The following HMCN2 variants were observed in gnomAD, a reference collection of about 807,000 sequenced individuals.
The protein encoded by HMCN2 is hemicentin 2, also known as hemicentin-2.
A neutral mutation model predicts 377.5 loss-of-function variants in HMCN2; 325 were observed. The ratio of observed to expected loss-of-function variants is 0.86; its 90% confidence interval spans 0.79 to 0.94. The LOEUF is 0.94. Ranked by LOEUF, HMCN2 falls within the 40% of genes least tolerant of loss-of-function variation. HMCN2 has a pLI of 0.00. For missense variants in HMCN2, 4,543 were observed against 4,725.3 expected (o/e 0.96, Z 1.13); for synonymous variants, 2,007 against 2,046.8 (o/e 0.98, Z 0.53).
At chr9:130,311,065 T>C (rs1837218391) in intron 15 of HMCN2, among the ~76,000 whole-genome samples, 1 of 152,202 alleles carries the variant, frequency 6.6e-6, no homozygotes, top group Non-Finnish European at 1.5e-5. Context: ...CTCCATCCCA[T>C]ATTGGAGTTC....
At chr9:130,314,546 C>T (rs899143485) in intron 15 of HMCN2, among the ~76,000 whole-genome samples, 3 of 152,322 alleles carry the variant, frequency 2.0e-5, no homozygotes, top group Admixed American at 6.5e-5. Flanking sequence ...TAGGCCCAAT[C>T]GCAGCATTCC....
In HMCN2 at chr9:130,427,306, T is replaced by C. The variant is rs1307407042; in HGVS notation, c.13880-7T>C. 6.4e-7 allele frequency: 1 copy of C among 1,550,466 alleles called. No individual in the cohort carries two copies. Among genetic ancestry groups the C allele is most frequent in the Admixed American group, 2.0e-5 (1 of 51,008 alleles). On this transcript the variant is annotated splice_region_variant and splice_polypyrimidine_tract_variant and intron_variant, in intron 90 of 97. Transcript: ENST00000683500. ...TGTCCTTAGAGTCTATCCTCTTTGC[T>C]TTGCAGAGGAGAACGAGGTCGGCTG...
chr9:130,298,385 A>G (rs1836287407), intron 7 of HMCN2, among the ~76,000 whole-genome samples: 1 of 152,192 alleles, frequency 6.6e-6, no homozygotes, highest in African/African-American at 2.4e-5. Context: ...TTAGCCAGGT[A>G]TAGTGGTGCA....
chr9:130,393,867 G>A lies in HMCN2; in HGVS notation c.10360G>A (p.Glu3454Lys). The change falls in exon 68 of 98, where the codon GAA (glutamate) becomes AAA (lysine). Residue 3454 changes from glutamate to lysine, a missense_variant. By Grantham distance (56) the Glu-to-Lys change is moderately conservative. This residue lies in a region of HMCN2 where 1,073 missense variants were observed against 1,319.5 expected (regional missense o/e 0.81). Transcript: ENST00000683500. The surrounding 1 kb of genome is among the most constrained non-coding windows in gnomAD (Gnocchi z 5.2). ...TCTCGTGTCGTGGATGAAGGATGGGGAACCCTTGTTGTCCCAGAGCCTCGA... is the reference window on the plus strand; with the variant it reads ...TCTCGTGTCGTGGATGAAGGATGGGAAACCCTTGTTGTCCCAGAGCCTCGA... The part of the protein sequence containing the change: ...LPLVSWMKDG[E>K]PLLSQSLEQG... 7.8e-7 allele frequency: 1 copy of A among 1,289,694 alleles called. No homozygotes were observed. The highest frequency in any genetic ancestry group is 1.2e-5 in the South Asian group (1 of 81,018). The allele number at this position is 1,289,694 out of a possible 1,614,324, so 79.9% of individuals were successfully genotyped here.
rs1044219489 is a variant in HMCN2 at position 130,395,854 on chromosome 9, A to C, written c.10912-70A>C. On this transcript the variant is annotated intron_variant, in intron 71 of 97. Transcript: ENST00000683500. ...CTTCACCAGTTCCTCAGTCTTCCACATCTGCTGCCGGGTGGCCTGACGCAG... is the reference window on the plus strand; with the variant it reads ...CTTCACCAGTTCCTCAGTCTTCCACCTCTGCTGCCGGGTGGCCTGACGCAG... 15 of 1,231,376 alleles carry C rather than the reference A, an allele frequency of 1.2e-5. No homozygotes were observed. The Admixed American group carries it at 3.6e-4, about 30-fold the overall frequency. The allele number at this position is 1,231,376 out of a possible 1,614,324, so 76.3% of individuals were successfully genotyped here.
In HMCN2 at chr9:130,304,110, C is replaced by T. The variant is rs964356918; in HGVS notation, c.1543+502C>T. The stretch of plus-strand genomic sequence containing the variant: ...TCTACATAGACAGCCAGAAACTACA[C>T]ATGCTCTTTGTAGGAAAGCTGGAAA... On this transcript the variant is annotated intron_variant, in intron 10 of 97. Transcript: ENST00000683500. This position sits in a 1 kb window ranked among gnomAD's most constrained non-coding sequence, Gnocchi z 4.3. Among the ~76,000 whole-genome samples the T allele has an allele frequency of 5.3e-5, 8 of 152,256 alleles. No individual in the cohort carries two copies. Among genetic ancestry groups the T allele is most frequent in the Non-Finnish European group, 8.8e-5 (6 of 68,046 alleles).
Position 130,424,885 on chromosome 9 carries a change from G to A in HMCN2, c.13491G>A (p.Arg4497=). The A allele has an allele frequency of 6.8e-7, 1 of 1,460,490 alleles. No homozygotes were observed. 90.5% of individuals were successfully genotyped at this position (1,460,490 alleles called of 1,614,324 possible). A position where few individuals can be genotyped will look rare whatever the true frequency, so the allele number is the denominator to read the frequency against. ...ACTCTCTGACTGGGGGCAGGTTCCG[G>A]CAGGAGTCACACGTGGAGTTTGCTA... ...NGHSLTGGRF[R]QESHVEFATG... Residue 4497 remains arginine (R), a synonymous_variant, in exon 88 of 98, where the codon CGG becomes CGA. Transcript: ENST00000683500.
intron 1 of HMCN2, among the ~76,000 whole-genome samples, chr9:130,272,309 T>C (rs1480132088): frequency 6.7e-6 from 1 of 148,910 alleles, no homozygotes; most frequent in East Asian, 1.9e-4. Context: ...GGCGCAATCT[T>C]GGCCCACTGC....
Position 130,287,336 on chromosome 9 carries a change from G to A in HMCN2, c.612+1026G>A, listed in dbSNP as rs530340283. Among the ~76,000 whole-genome samples the A allele has an allele frequency of 3.9e-5, 6 of 152,094 alleles. No homozygotes were observed. In the East Asian group the frequency reaches 7.8e-4, roughly 20 times the overall value. ...TGTCCTACGCTCCTCCCCGCCCGGGGCCTTTGCTGGTGCGGCCCATTCTTC... is the reference window on the plus strand; with the variant it reads ...TGTCCTACGCTCCTCCCCGCCCGGGACCTTTGCTGGTGCGGCCCATTCTTC... On this transcript the variant is annotated intron_variant, in intron 4 of 97. Transcript: ENST00000683500.
chr9:130,408,946 C>G lies in HMCN2; in HGVS notation c.12879+13C>G. Reference sequence around the variant, plus strand: ...CCGCAGGACTGAGGCAAGGCGGGGCCTGGCACCTTGGGTGGGGCCACTGAG... The same window carrying G: ...CCGCAGGACTGAGGCAAGGCGGGGCGTGGCACCTTGGGTGGGGCCACTGAG... On this transcript the variant is annotated intron_variant, in intron 84 of 97. Coordinates refer to ENST00000683500, the MANE Select transcript of HMCN2 (RefSeq NM_001291815.2). 7.8e-7 allele frequency: 1 copy of G among 1,285,590 alleles called. No individual in the cohort carries two copies. The highest frequency in any genetic ancestry group is 1.0e-6 in the Non-Finnish European group (1 of 986,574). 79.6% of individuals were successfully genotyped at this position (1,285,590 alleles called of 1,614,324 possible). A position where few individuals can be genotyped will look rare whatever the true frequency, so the allele number is the denominator to read the frequency against.
chr9:130,383,424 A>G, intron 56 of HMCN2, 80 bp from the exon 57 acceptor site: 1 of 596,630 alleles, frequency 1.7e-6, no homozygotes, highest in Non-Finnish European at 2.1e-6. Context: ...GATGGGAGGG[A>G]TTCCTCGCAG....
At chr9:130,405,498 G>T (rs1843048981) in intron 81 of HMCN2, among the ~76,000 whole-genome samples, 1 of 152,098 alleles carries the variant, frequency 6.6e-6, no homozygotes, top group African/African-American at 2.4e-5. Flanking sequence ...TCTCCAGATG[G>T]GTTCAGTGGA....
In HMCN2 at chr9:130,369,945, C is replaced by T; in HGVS notation, c.7069+94C>T. On this transcript the variant is annotated intron_variant, in intron 45 of 97. Transcript: ENST00000683500. The surrounding 1 kb of genome is among the most constrained non-coding windows in gnomAD (Gnocchi z 4.5). ...CCAGGCACGGCCCTCAGGCTGTGATCCTGGGGTCACACCTGTTCTTTCTGG... is the reference window on the plus strand; with the variant it reads ...CCAGGCACGGCCCTCAGGCTGTGATTCTGGGGTCACACCTGTTCTTTCTGG... The T allele has an allele frequency of 4.1e-6, 3 of 737,732 alleles. No individual in the cohort carries two copies. The highest frequency in any genetic ancestry group is 5.0e-6 in the Non-Finnish European group (3 of 603,500). 45.7% of individuals were successfully genotyped at this position (737,732 alleles called of 1,614,324 possible).
intron 75 of HMCN2, 35 bp from the exon 76 acceptor site, chr9:130,399,476 C>T: frequency 8.0e-7 from 1 of 1,252,822 alleles, no homozygotes; most frequent in Admixed American, 2.4e-5. Flanking sequence ...TCTGTCAGCC[C>T]AGCAGCCACT....
At position 130,351,447 on chromosome 9, in the gene HMCN2, C is replaced by T. The variant is rs781613783; in HGVS notation, c.4455C>T (p.His1485=). 227 of 1,304,108 alleles carry T rather than the reference C, an allele frequency of 1.7e-4. No homozygotes were observed. The highest frequency in any genetic ancestry group is 3.5e-4 in the South Asian group (28 of 81,016). 80.8% of individuals were successfully genotyped at this position (1,304,108 alleles called of 1,614,324 possible). A position where few individuals can be genotyped will look rare whatever the true frequency, so the allele number is the denominator to read the frequency against. Reference sequence around the variant, plus strand: ...GGCCTGTCCTTCCGGGAGGCCCTCACCTGCAGGTCCAGGAGGATGGCCAGG... The same window carrying T: ...GGCCTGTCCTTCCGGGAGGCCCTCATCTGCAGGTCCAGGAGGATGGCCAGG... ...DRQPVLPGGP[H]LQVQEDGQVL... The change falls in exon 30 of 98, where the codon CAC becomes CAT. Residue 1485 remains histidine, a synonymous_variant. Transcript: ENST00000683500. This position sits in a 1 kb window ranked among gnomAD's most constrained non-coding sequence, Gnocchi z 5.4.
rs970576309 is a variant in HMCN2 at position 130,394,619 on chromosome 9, GA to G, written c.10692+45del. On this transcript the variant is annotated intron_variant, in intron 69 of 97. Transcript: ENST00000683500. This position sits in a 1 kb window ranked among gnomAD's most constrained non-coding sequence, Gnocchi z 5.1. Reference sequence around the variant, plus strand: ...TGGGGCGAGGCTGGGGGTTGGGGGAGAGGGGAGGGACTGCAGGTTCCCCAGA... The same window carrying G: ...TGGGGCGAGGCTGGGGGTTGGGGGAGGGGGAGGGACTGCAGGTTCCCCAGA... The G allele has an allele frequency of 1.6e-6, 2 of 1,238,794 alleles. No individual in the cohort carries two copies. Among genetic ancestry groups the G allele is most frequent in the African/African-American group, 3.1e-5 (2 of 64,728 alleles). The allele number at this position is 1,238,794 out of a possible 1,614,324, so 76.7% of individuals were successfully genotyped here.
intron 54 of HMCN2, among the ~76,000 whole-genome samples, chr9:130,379,941 C>T (rs549111756): frequency 1.3e-5 from 2 of 152,188 alleles, no homozygotes; most frequent in Non-Finnish European, 2.9e-5. Flanking sequence ...AATGGTGCAA[C>T]CTTGGCTCAC....
intron 31 of HMCN2, among the ~76,000 whole-genome samples, chr9:130,353,628 C>G (rs1199586099): frequency 6.6e-6 from 1 of 152,206 alleles, no homozygotes; most frequent in Non-Finnish European, 1.5e-5. Context: ...GCTCTCATGT[C>G]CCCAGTTACA....
chr9:130,396,132 C>T, intron 72 of HMCN2, 37 bp from the exon 73 acceptor site: 1 of 1,249,400 alleles, frequency 8.0e-7, no homozygotes, highest in Non-Finnish European at 1.0e-6. Context: ...CTTAGAGCCA[C>T]AGCTCCCAGC....
Sources: allele counts gnomAD v4.1 joint callset (sites outside exome capture counted in the v4.1 genomes callset), GRCh38; gene constraint gnomAD v4.1.1; regional missense constraint gnomAD v4.1.1; non-coding constraint Gnocchi (gnomAD v3.1); transcripts MANE v1.5; gene names NCBI Gene and HGNC (gene_info 2026-07-23, HGNC 2026-07-21).